The following ADCY10 variants were observed in gnomAD, a reference collection of about 807,000 sequenced individuals.
The protein encoded by ADCY10 is adenylate cyclase 10.
A neutral mutation model predicts 183.3 loss-of-function variants in ADCY10; 156 were observed. That is an observed-to-expected ratio of 0.85 (90% CI 0.75 to 0.97). ADCY10 has a LOEUF of 0.97. ADCY10 is among the 50% of genes least tolerant of loss of function. ADCY10 has a pLI of 0.00. For missense variants in ADCY10, 1,745 were observed against 1,934.3 expected, an observed-to-expected ratio of 0.90 and a Z score of 1.84; for synonymous variants, 645 against 670.0, an observed-to-expected ratio of 0.96 and a Z score of 0.58.
chr1:167,873,210 C>A (rs1360606372), intron 13 of ADCY10, among the ~76,000 whole-genome samples: 1 of 152,110 alleles, frequency 6.6e-6, no homozygotes, highest in African/African-American at 2.4e-5. Context: ...AAAGTAAGGC[C>A]TCTGAGGAGG....
In ADCY10 at chr1:167,832,987, C is replaced by T. The variant is rs1558160196; in HGVS notation, c.3593G>A (p.Gly1198Glu). The change falls in exon 25 of 33, where the codon GGG becomes GAG. Residue 1198 changes from glycine (G) to glutamate (E), a missense_variant and splice_region_variant. Coordinates refer to ENST00000367851, the MANE Select transcript of ADCY10 (RefSeq NM_018417.6). ...NRQAQESPPP[G>E]KKRLAQLYRQ... The stretch of plus-strand genomic sequence containing the variant: ...TGCTCTCCCCAGCTCCTTCCCTTAC[C>T]CTGGAGGTGGGCTCTCTTGGGCCTG... The T allele has an allele frequency of 6.2e-7, 1 of 1,613,670 alleles. No homozygotes were observed.
intron 31 of ADCY10, 51 bp downstream of exon 31, chr1:167,818,019 CAG>C (rs1662632476): frequency 6.6e-7 from 1 of 1,519,236 alleles, no homozygotes; most frequent in East Asian, 2.3e-5. Flanking sequence ...AGGAAGTAGA[CAG>C]AGATCCATTT....
chr1:167,853,818 C>G (rs555352689), intron 18 of ADCY10, among the ~76,000 whole-genome samples: 2 of 119,998 alleles, frequency 1.7e-5, no homozygotes, highest in South Asian at 2.9e-4. Flanking sequence ...TCTTTCATTT[C>G]TACTATAGTT....
intron 1 of ADCY10, among the ~76,000 whole-genome samples, chr1:167,909,935 TGATGACCAGGTCTGAGGTTAAAA>T (rs1340724591): frequency 6.8e-6 from 1 of 146,892 alleles, no homozygotes; most frequent in Non-Finnish European, 1.5e-5. Context: ...CCGGCGCCAC[TGATGACCAGGTCTGAGGTTAAAA>T]GATTAACCCC....
chr1:167,842,840 T>C (rs78409653), intron 21 of ADCY10, among the ~76,000 whole-genome samples: 4,769 of 152,172 alleles, frequency 0.031, 135 homozygotes, highest in East Asian at 0.13. Context: ...TTCTTAAAAA[T>C]CAGTAAAAGC....
chr1:167,858,980 T>C (rs372358001), intron 16 of ADCY10, among the ~76,000 whole-genome samples: 1 of 152,170 alleles, frequency 6.6e-6, no homozygotes, highest in Non-Finnish European at 1.5e-5. Flanking sequence ...ATAGTAGGAC[T>C]TGGCAGTGAG....
At chr1:167,885,121 CATTTTTTTTATGGCTGA>C (rs954911331) in intron 8 of ADCY10, among the ~76,000 whole-genome samples, 49 of 136,326 alleles carry the variant, frequency 3.6e-4, no homozygotes, top group Non-Finnish European at 6.8e-4. Context: ...TGACAGATCT[CATTTTTTTTATGGCTGA>C]ATAGTACTTC....
chr1:167,870,115 T>C (rs774075381), intron 14 of ADCY10, 142 bp downstream of exon 14: 3 of 896,212 alleles, frequency 3.3e-6, no homozygotes, highest in Non-Finnish European at 5.3e-6. Flanking sequence ...TTGTTAGTTA[T>C]CTATTTAGCA....
chr1:167,839,048 C>G (rs760582793), intron 21 of ADCY10, among the ~76,000 whole-genome samples: 7 of 152,220 alleles, frequency 4.6e-5, no homozygotes, highest in Non-Finnish European at 8.8e-5. Context: ...CAGTCCATTA[C>G]CAAAATTTTA....
chr1:167,836,200 C>T (rs1664176552), intron 23 of ADCY10, 109 bp downstream of exon 23: 2 of 759,384 alleles, frequency 2.6e-6, no homozygotes, highest in Non-Finnish European at 4.7e-6. Context: ...GGGGTGCTGT[C>T]GGGAATATAC....
chr1:167,881,062 A>G (rs1044183340), intron 9 of ADCY10, among the ~76,000 whole-genome samples: 3 of 152,338 alleles, frequency 2.0e-5, no homozygotes, highest in African/African-American at 7.2e-5. Flanking sequence ...CTGAAAATGG[A>G]TATACTGTAG....
At chr1:167,864,397 T>C (rs1018283159) in intron 14 of ADCY10, among the ~76,000 whole-genome samples, 1 of 152,090 alleles carries the variant, frequency 6.6e-6, no homozygotes, top group South Asian at 2.1e-4. Context: ...TAGAGGTGGG[T>C]TGGCCATCAG....
chr1:167,874,331 A>AAAAC (rs1022696366), intron 13 of ADCY10, among the ~76,000 whole-genome samples: 1 of 152,110 alleles, frequency 6.6e-6, no homozygotes, highest in East Asian at 1.9e-4. Context: ...ACTCTGTCTC[A>AAAAC]AAATAAATAA....
chr1:167,818,126 T>C lies in ADCY10; in HGVS notation c.4428A>G (p.Lys1476=), dbSNP rs1042506150. The change falls in exon 31 of 33, where the codon AAA becomes AAG. Residue 1476 remains lysine (K), a synonymous_variant. Coordinates refer to ENST00000367851, the MANE Select transcript of ADCY10 (RefSeq NM_018417.6). The stretch of plus-strand genomic sequence containing the variant: ...CATTCTCTGACTGTTCTTTGATTTG[T>C]TTTTGAAGGTGAAGAACTTGCCCCT... ...YMEGQVLHLQ[K]QIKEQSENAQ... 1.2e-6 allele frequency: 2 copies of C among 1,614,118 alleles called. No homozygotes were observed. Among genetic ancestry groups the C allele is most frequent in the African/African-American group, 1.3e-5 (1 of 74,944 alleles).
At chr1:167,868,406 C>T (rs760710902) in intron 14 of ADCY10, among the ~76,000 whole-genome samples, 6 of 152,136 alleles carry the variant, frequency 3.9e-5, no homozygotes, top group Non-Finnish European at 8.8e-5. Flanking sequence ...TTCACTCATC[C>T]TGTAGGATGA....
chr1:167,876,254 T>C (rs1667463721), intron 12 of ADCY10, among the ~76,000 whole-genome samples: 1 of 129,486 alleles, frequency 7.7e-6, no homozygotes, highest in Non-Finnish European at 1.6e-5. Flanking sequence ...CAAAGCTCCA[T>C]CTCAAAAAAA....
At chr1:167,842,169 T>C (rs750743808) in intron 21 of ADCY10, among the ~76,000 whole-genome samples, 15 of 152,074 alleles carry the variant, frequency 9.9e-5, no homozygotes, top group Non-Finnish European at 1.8e-4. Flanking sequence ...CAATTATGTC[T>C]TTTTTTTCCC....
In ADCY10 at chr1:167,899,594, A is replaced by G; in HGVS notation, c.471T>C (p.Phe157=). The G allele has an allele frequency of 6.2e-7, 1 of 1,614,174 alleles. No homozygotes were observed. ...LAAGHISMLV[F]GDETHSHFLV... is the part of the protein sequence containing the mutation. ...GAAAGTGGCTGTGTGTTTCATCTCC[A>G]AAGACCAACATGCTGATGTGGCCAG... Residue 157 remains phenylalanine, a synonymous_variant, in exon 6 of 33, where the codon TTT becomes TTC. Coordinates refer to ENST00000367851, the MANE Select transcript of ADCY10 (RefSeq NM_018417.6).
chr1:167,850,723 T>C (rs987891436), intron 18 of ADCY10, among the ~76,000 whole-genome samples: 1 of 133,344 alleles, frequency 7.5e-6, no homozygotes, highest in Non-Finnish European at 1.6e-5. Context: ...AGTAGGAGAG[T>C]GGGGCTCAAG....
Sources: allele counts gnomAD v4.1 joint callset (sites outside exome capture counted in the v4.1 genomes callset), GRCh38; gene constraint gnomAD v4.1.1; transcripts MANE v1.5; gene names NCBI Gene and HGNC (gene_info 2026-07-23, HGNC 2026-07-21).